Variants in PCDH11X observed in about 807,000 individuals in gnomAD.
PCDH11X encodes protocadherin-11 X-linked.
A neutral mutation model predicts 53.3 loss-of-function variants in PCDH11X; 18 were observed. The observed-to-expected ratio is 0.34, with a 90% CI of 0.23 to 0.50. PCDH11X has a LOEUF of 0.50. Among genes scored for constraint, PCDH11X ranks in the 20% least tolerant of loss-of-function variants. The pLI is 0.98. For synonymous variants in PCDH11X, 279 were observed against 393.3 expected (o/e 0.71, Z 3.44); for missense variants, 570 against 1,032.4 (o/e 0.55, Z 6.14).
At chrX:92,327,327 A>T (rs2885943) in intron 8 of PCDH11X, among the ~76,000 whole-genome samples, 73 of 24,757 alleles carry the variant, frequency 2.9e-3, no homozygotes, top group African/African-American at 8.1e-3. Flanking sequence ...ATGATGCTTT[A>T]AAAAAAAAAA....
chrX:92,484,853 A>T (rs1988587), intron 10 of PCDH11X, among the ~76,000 whole-genome samples: 7 of 110,910 alleles, frequency 6.3e-5, no homozygotes, highest in Admixed American at 9.7e-5. Flanking sequence ...TGTAAAAAAA[A>T]TTTTTTTAAT....
intron 10 of PCDH11X, among the ~76,000 whole-genome samples, chrX:92,473,441 G>A (rs2073311068): frequency 9.0e-6 from 1 of 111,117 alleles, no homozygotes; most frequent in African/African-American, 3.3e-5. Flanking sequence ...TCTTTGTTTT[G>A]ATTTCATTGA....
At chrX:91,853,916 A>G (rs1938178249) in intron 5 of PCDH11X, among the ~76,000 whole-genome samples, 1 of 110,448 alleles carries the variant, frequency 9.1e-6, no homozygotes, top group Admixed American at 9.6e-5. Flanking sequence ...TTCATGGGGT[A>G]CATGAAATAC....
chrX:91,906,725 T>G (rs1016399665), intron 6 of PCDH11X, among the ~76,000 whole-genome samples: 3 of 111,836 alleles, frequency 2.7e-5, no homozygotes, highest in Non-Finnish European at 3.8e-5. Context: ...CTTTATTAAC[T>G]TCGTAACCCT....
chrX:92,593,830 TAA>T (rs1309648073), intron 10 of PCDH11X, among the ~76,000 whole-genome samples: 5 of 104,945 alleles, frequency 4.8e-5, no homozygotes, highest in African/African-American at 1.7e-4. Context: ...GAGAAAATTG[TAA>T]AGAGTTATAA....
At chrX:92,246,012 G>C (rs1048270675) in intron 7 of PCDH11X, among the ~76,000 whole-genome samples, 1 of 110,900 alleles carries the variant, frequency 9.0e-6, no homozygotes, top group African/African-American at 3.3e-5. Flanking sequence ...ATTTTGGGGG[G>C]GAATTAACTT....
At chrX:92,609,082 C>T (rs1259965084) in intron 10 of PCDH11X, among the ~76,000 whole-genome samples, 1 of 111,482 alleles carries the variant, frequency 9.0e-6, no homozygotes, top group Non-Finnish European at 1.9e-5. Flanking sequence ...CAATATGCTT[C>T]TTTTTATTGC....
chrX:92,116,673 C>G (rs1342328279), intron 6 of PCDH11X, among the ~76,000 whole-genome samples: 1 of 111,012 alleles, frequency 9.0e-6, no homozygotes, highest in Non-Finnish European at 1.9e-5. Flanking sequence ...CGTAACTCCC[C>G]CTCCTAGGCT....
chrX:92,295,685 C>A (rs2068590265), intron 8 of PCDH11X, among the ~76,000 whole-genome samples: 1 of 100,949 alleles, frequency 9.9e-6, no homozygotes, highest in African/African-American at 3.6e-5. Context: ...TCTTCTATTC[C>A]TGGTGTGTTG....
intron 10 of PCDH11X, among the ~76,000 whole-genome samples, chrX:92,521,641 G>C (rs2074372015): frequency 9.0e-6 from 1 of 111,292 alleles, no homozygotes; most frequent in South Asian, 3.8e-4. Context: ...CTGAAGCTTT[G>C]AAGCTAGGCA....
chrX:91,885,705 A>G (rs1940166419), intron 6 of PCDH11X, among the ~76,000 whole-genome samples: 2 of 111,427 alleles, frequency 1.8e-5, no homozygotes, highest in South Asian at 7.5e-4. Context: ...TCCTTTGTAT[A>G]TATGAAGATG....
At position 91,891,055 on chromosome X, in the gene PCDH11X, A is replaced by G. The variant is rs1227802714; in HGVS notation, c.3033+11782A>G. ...AGAAAAGCAGTATAACATTAAAATT[A>G]AGAAGATTTAAAATACAAGAGGATT... On this transcript the variant is annotated intron_variant, in intron 6 of 10. Transcript: ENST00000682573. Among the ~76,000 whole-genome samples, 25 of 106,927 alleles carry G rather than the reference A, an allele frequency of 2.3e-4. 1 individual carries two copies. The Admixed American group carries it at 2.6e-3, about 11-fold the overall frequency. The allele number at this position is 106,927 out of a possible 115,157, so 92.9% of individuals were successfully genotyped here. A position where few individuals can be genotyped will look rare whatever the true frequency, so the allele number is the denominator to read the frequency against.
intron 5 of PCDH11X, among the ~76,000 whole-genome samples, chrX:91,845,539 G>A (rs1162170180): frequency 9.1e-6 from 1 of 109,999 alleles, no homozygotes; most frequent in Non-Finnish European, 1.9e-5. Context: ...GTATAGGAAT[G>A]CACCTTTTTA....
intron 6 of PCDH11X, among the ~76,000 whole-genome samples, chrX:91,907,412 C>CACACACAG (rs756926383): frequency 0.084 from 4,747 of 56,728 alleles, 316 homozygotes; most frequent in Middle Eastern, 0.15. Flanking sequence ...CACACACACA[C>CACACACAG]AGAGAGAGAG....
At chrX:92,586,108 A>C (rs2148792424) in intron 10 of PCDH11X, among the ~76,000 whole-genome samples, 1 of 85,636 alleles carries the variant, frequency 1.2e-5, no homozygotes, top group African/African-American at 4.7e-5. Context: ...CTGATAATAC[A>C]AAAAAATGCT....
chrX:92,007,019 C>A (rs1362590159), intron 6 of PCDH11X, among the ~76,000 whole-genome samples: 1 of 111,222 alleles, frequency 9.0e-6, no homozygotes, highest in African/African-American at 3.3e-5. Context: ...ATAAGCACCC[C>A]TGTGGTCACC....
intron 10 of PCDH11X, among the ~76,000 whole-genome samples, chrX:92,544,742 G>A (rs1315236540): frequency 9.2e-6 from 1 of 108,807 alleles, no homozygotes; most frequent in East Asian, 2.9e-4. Flanking sequence ...CTAATTAAAG[G>A]TCCTAATCTA....
intron 7 of PCDH11X, among the ~76,000 whole-genome samples, chrX:92,233,290 T>G (rs2148373615): frequency 9.0e-6 from 1 of 111,708 alleles, no homozygotes; most frequent in African/African-American, 3.3e-5. Context: ...TTCCCATTTT[T>G]TTAATGATAC....
chrX:91,962,803 T>G (rs772199166), intron 6 of PCDH11X, among the ~76,000 whole-genome samples: 146 of 110,865 alleles, frequency 1.3e-3, no homozygotes, highest in African/African-American at 4.5e-3. Flanking sequence ...TTCCCAAACC[T>G]CAATTCTTGG....
Sources: allele counts gnomAD v4.1 joint callset (sites outside exome capture counted in the v4.1 genomes callset), GRCh38; gene constraint gnomAD v4.1.1; transcripts MANE v1.5; gene names NCBI Gene and HGNC (gene_info 2026-07-23, HGNC 2026-07-21).